The following TXK variants were observed in gnomAD, a reference collection of about 807,000 sequenced individuals.
The protein encoded by TXK is TXK tyrosine kinase.
In TXK, 60 loss-of-function variants were observed where a neutral mutation model predicts 81.0. That is an observed-to-expected ratio of 0.74 (90% CI 0.60 to 0.92). The LOEUF is 0.92. Ranked by LOEUF, TXK falls within the 40% of genes least tolerant of loss-of-function variation. TXK has a pLI of 0.00. For synonymous variants in TXK, 203 were observed against 210.7 expected, an observed-to-expected ratio of 0.96 and a Z score of 0.32; for missense variants, 581 against 638.3, an observed-to-expected ratio of 0.91 and a Z score of 0.97.
At chr4:48,098,449 T>C (rs1479453259) in intron 6 of TXK, among the ~76,000 whole-genome samples, 1 of 152,226 alleles carries the variant, frequency 6.6e-6, no homozygotes, top group Non-Finnish European at 1.5e-5. Flanking sequence ...AAACCACAGT[T>C]ACTTTTGCAC....
At chr4:48,101,791 T>C (rs1718204235) in intron 6 of TXK, among the ~76,000 whole-genome samples, 2 of 150,456 alleles carry the variant, frequency 1.3e-5, no homozygotes, top group South Asian at 4.2e-4. Context: ...AAATTTCTTA[T>C]ACTAAGAAAA....
At chr4:48,110,500 C>T (rs755790898) in intron 5 of TXK, 38 bp downstream of exon 5, 2 of 1,507,824 alleles carry the variant, frequency 1.3e-6, no homozygotes, top group African/African-American at 2.7e-5. Context: ...GCCAAAATGT[C>T]CCTGATTTTC....
rs1206175424 is a variant in TXK, at chr4:48,089,569, T to A, written c.784+181A>T. 9 of 442,006 alleles carry A rather than the reference T, an allele frequency of 2.0e-5. No homozygotes were observed. In the East Asian group the frequency reaches 3.6e-4, roughly 17 times the overall value. The allele number at this position is 442,006 out of a possible 1,614,324, so 27.4% of individuals were successfully genotyped here. A position where few individuals can be genotyped will look rare whatever the true frequency, so the allele number is the denominator to read the frequency against. On this transcript the variant is annotated intron_variant, in intron 9 of 14. Transcript: ENST00000264316. Reference sequence around the variant, plus strand: ...CCAAACCCGGCTAATTTTTTGTATTTTTAGTAGAGACGGGGTATCACCATT... The same window carrying A: ...CCAAACCCGGCTAATTTTTTGTATTATTAGTAGAGACGGGGTATCACCATT...
intron 6 of TXK, among the ~76,000 whole-genome samples, chr4:48,100,008 T>C (rs1369499321): frequency 6.6e-6 from 1 of 151,106 alleles, no homozygotes; most frequent in Admixed American, 6.6e-5. Flanking sequence ...CCGTCTCTAC[T>C]AAAAATACAA....
At chr4:48,125,769 T>C (rs1719074639) in intron 1 of TXK, among the ~76,000 whole-genome samples, 5 of 152,222 alleles carry the variant, frequency 3.3e-5, no homozygotes, top group Admixed American at 3.3e-4. Context: ...CTCAGGCAGT[T>C]GTGGAAACTG....
At chr4:48,078,312 A>G (rs1340202937) in intron 11 of TXK, among the ~76,000 whole-genome samples, 1 of 152,178 alleles carries the variant, frequency 6.6e-6, no homozygotes, top group Non-Finnish European at 1.5e-5. Flanking sequence ...TGGGATAAGC[A>G]TACTTCCCAA....
At chr4:48,087,977 A>G (rs1717599929) in intron 9 of TXK, among the ~76,000 whole-genome samples, 1 of 152,240 alleles carries the variant, frequency 6.6e-6, no homozygotes, top group African/African-American at 2.4e-5. Context: ...TAGAGAAGAC[A>G]TATACCCTAA....
chr4:48,086,937 C>T (rs750751372), intron 9 of TXK, among the ~76,000 whole-genome samples: 1 of 152,006 alleles, frequency 6.6e-6, no homozygotes, highest in African/African-American at 2.4e-5. Flanking sequence ...CTAAACTAAA[C>T]CTACCAAAAC....
At chr4:48,117,550 A>C (rs937819856) in intron 1 of TXK, among the ~76,000 whole-genome samples, 2 of 152,148 alleles carry the variant, frequency 1.3e-5, no homozygotes, top group Non-Finnish European at 2.9e-5. Context: ...GGGCAGTTCA[A>C]CTTTCAATAT....
chr4:48,095,162 C>G lies in TXK; in HGVS notation c.562G>C (p.Val188Leu). ...GCTTACCTTCTAGCTCCCATAAATA[C>G]GGAAATTGTGTAGGATCCTAAATGT... ...SRHLGSYTIS[V>L]FMGARRSTEA... Residue 188 changes from valine (V) to leucine (L), a missense_variant, in exon 7 of 15, where the codon GTA becomes CTA. Physicochemically the swap from Val to Leu is conservative, Grantham distance 32 (BLOSUM62 1). Coordinates refer to ENST00000264316, the MANE Select transcript of TXK (RefSeq NM_003328.3). 6.2e-7 allele frequency: 1 copy of G among 1,613,460 alleles called. No homozygotes were observed.
intron 10 of TXK, among the ~76,000 whole-genome samples, chr4:48,081,082 A>C (rs1442426951): frequency 6.6e-6 from 1 of 151,948 alleles, no homozygotes; most frequent in Non-Finnish European, 1.5e-5. Context: ...AGAGAACTTA[A>C]CATTATCTTA....
In TXK at chr4:48,067,447, A is replaced by G. The variant is rs984594364; in HGVS notation, c.*190T>C. 1.0e-5 allele frequency: 6 copies of G among 592,604 alleles called. No individual in the cohort carries two copies. The highest frequency in any genetic ancestry group is 7.4e-5 in the African/African-American group (4 of 53,762). 36.7% of individuals were successfully genotyped at this position (592,604 alleles called of 1,614,324 possible). On this transcript the variant is annotated 3_prime_UTR_variant, in exon 15 of 15. Transcript: ENST00000264316. ...ATAAGAGTGTGCAAATCCCTCTCAC[A>G]CATAGAAAAACGATTGTGTGAATAT... is the stretch of plus-strand genomic sequence containing the variant.
chr4:48,091,697 G>A (rs550490704), intron 8 of TXK, among the ~76,000 whole-genome samples: 2 of 152,142 alleles, frequency 1.3e-5, no homozygotes, highest in Admixed American at 1.3e-4. Flanking sequence ...TAGAGATGGG[G>A]TTTCACCATG....
At chr4:48,085,276 C>A (rs1337441069) in intron 10 of TXK, among the ~76,000 whole-genome samples, 4 of 152,056 alleles carry the variant, frequency 2.6e-5, no homozygotes, top group Non-Finnish European at 4.4e-5. Context: ...ACCCTTATGT[C>A]CTCTGAAAGC....
intron 6 of TXK, among the ~76,000 whole-genome samples, chr4:48,095,449 A>T (rs557215645): frequency 1.3e-5 from 2 of 152,326 alleles, no homozygotes; most frequent in South Asian, 4.1e-4. Flanking sequence ...TGCATTTATA[A>T]TGTACTTTAG....
chr4:48,134,215 T>G lies in TXK; in HGVS notation c.-45A>C. 6.2e-7 allele frequency: 1 copy of G among 1,609,080 alleles called. No homozygotes were observed. On this transcript the variant is annotated 5_prime_UTR_variant, in exon 1 of 15. Coordinates refer to ENST00000264316, the MANE Select transcript of TXK (RefSeq NM_003328.3). ...AGCACACAACAGTCTTCAGTTCTTC[T>G]GCGGTGCTCTACTCACAAAAACACA...
intron 4 of TXK, 65 bp from the exon 5 acceptor site, chr4:48,110,668 A>G: frequency 8.2e-7 from 1 of 1,223,102 alleles, no homozygotes; most frequent in Non-Finnish European, 1.2e-6. Flanking sequence ...CATGGCAACA[A>G]TCCTTTTAAA....
intron 10 of TXK, among the ~76,000 whole-genome samples, chr4:48,083,655 T>A (rs1183070765): frequency 1.3e-5 from 2 of 152,252 alleles, no homozygotes; most frequent in Non-Finnish European, 2.9e-5. Context: ...TGGTGAGGAT[T>A]CATTAATTCA....
intron 11 of TXK, 48 bp downstream of exon 11, chr4:48,079,864 A>G: frequency 7.8e-7 from 1 of 1,286,278 alleles, no homozygotes. Context: ...CATCCTTCTG[A>G]ATATAGGTAT....
Sources: allele counts gnomAD v4.1 joint callset (sites outside exome capture counted in the v4.1 genomes callset), GRCh38; gene constraint gnomAD v4.1.1; transcripts MANE v1.5; gene names NCBI Gene and HGNC (gene_info 2026-07-23, HGNC 2026-07-21).